Variants in EEFSEC observed in about 807,000 individuals in gnomAD.
The protein encoded by EEFSEC is selenocysteine-specific elongation factor.
Under a neutral mutation model 42.1 loss-of-function variants are expected in EEFSEC, and 43 were observed. The ratio of observed to expected loss-of-function variants is 1.02; its 90% CI spans 0.80 to 1.32. EEFSEC has a LOEUF of 1.32. Among genes scored for constraint, EEFSEC ranks in the 40% most tolerant of loss-of-function variants. The pLI, the probability that EEFSEC is intolerant of heterozygous loss-of-function variation, is 0.00. For synonymous variants in EEFSEC, 354 were observed against 339.1 expected (o/e 1.04, Z -0.48); for missense variants, 745 against 803.6 (o/e 0.93, Z 0.88).
rs2065592434 is a variant in EEFSEC, at chr3:128,197,042, A to G, written c.316+43219A>G. On this transcript the variant is annotated intron_variant, in intron 1 of 6. Transcript: ENST00000254730. The stretch of plus-strand genomic sequence containing the variant: ...TTATTGCTGTGATTTCTTCTTTTGC[A>G]TTTTTCCTCTTTGTTCTGTGTACTT... Among the ~76,000 whole-genome samples the G allele has an allele frequency of 3.3e-5, 5 of 152,030 alleles. No homozygotes were observed. The South Asian group carries it at 1.0e-3, about 32-fold the overall frequency.
intron 1 of EEFSEC, among the ~76,000 whole-genome samples, chr3:128,230,952 A>C (rs79609645): frequency 1.3e-5 from 2 of 152,266 alleles, no homozygotes; most frequent in East Asian, 1.9e-4. Context: ...GGTGACCTTC[A>C]GGTAGGTGGC....
intron 5 of EEFSEC, among the ~76,000 whole-genome samples, chr3:128,346,019 G>A (rs560518937): frequency 6.6e-6 from 1 of 152,342 alleles, no homozygotes; most frequent in South Asian, 2.1e-4. Flanking sequence ...ATGTAAATAT[G>A]TGATGCTGAG....
intron 3 of EEFSEC, among the ~76,000 whole-genome samples, chr3:128,264,193 G>C (rs986474500): frequency 6.6e-6 from 1 of 152,166 alleles, no homozygotes; most frequent in Non-Finnish European, 1.5e-5. Context: ...AGGCCTAAAA[G>C]GTACCTAGGG....
chr3:128,373,541 C>A (rs1559945916), intron 6 of EEFSEC, among the ~76,000 whole-genome samples: 1 of 152,230 alleles, frequency 6.6e-6, no homozygotes, highest in Non-Finnish European at 1.5e-5. Context: ...AGCCAGGGAC[C>A]TACAGCAGCA....
intron 4 of EEFSEC, among the ~76,000 whole-genome samples, chr3:128,296,094 T>C (rs2066703248): frequency 6.6e-6 from 1 of 152,074 alleles, no homozygotes; most frequent in South Asian, 2.1e-4. Flanking sequence ...CAGGCCCTGG[T>C]ACTGGGAGCT....
At chr3:128,383,046 G>A (rs2067795999) in intron 6 of EEFSEC, among the ~76,000 whole-genome samples, 1 of 151,844 alleles carries the variant, frequency 6.6e-6, no homozygotes, top group Non-Finnish European at 1.5e-5. Flanking sequence ...GTGGATCCCT[G>A]CCCCCAGTTC....
chr3:128,162,035 T>G (rs569424178), intron 1 of EEFSEC, among the ~76,000 whole-genome samples: 3 of 152,214 alleles, frequency 2.0e-5, no homozygotes, highest in African/African-American at 7.2e-5. Flanking sequence ...TTCAGGAGAA[T>G]CTGTGTAGGA....
intron 1 of EEFSEC, among the ~76,000 whole-genome samples, chr3:128,235,201 A>T (rs113370075): frequency 6.6e-6 from 1 of 150,966 alleles, no homozygotes; most frequent in Non-Finnish European, 1.5e-5. Flanking sequence ...TATGTCTGGG[A>T]CCACAGGTGC....
intron 6 of EEFSEC, among the ~76,000 whole-genome samples, chr3:128,401,206 T>C (rs944854707): frequency 6.6e-6 from 1 of 152,318 alleles, no homozygotes; most frequent in East Asian, 1.9e-4. Context: ...TCTTTCTCCC[T>C]TGGGTCACTC....
chr3:128,323,704 C>T (rs887250782), intron 4 of EEFSEC, among the ~76,000 whole-genome samples: 10 of 152,324 alleles, frequency 6.6e-5, no homozygotes, highest in African/African-American at 2.2e-4. Context: ...CAGCATGATT[C>T]GTTCCAGAGC....
At chr3:128,382,061 C>T (rs1321747824) in intron 6 of EEFSEC, among the ~76,000 whole-genome samples, 1 of 152,172 alleles carries the variant, frequency 6.6e-6, no homozygotes, top group Non-Finnish European at 1.5e-5. Flanking sequence ...TGGCCCCAGG[C>T]AAGGCCCTCT....
At chr3:128,416,251 C>T in the EEFSEC span, among the ~76,000 whole-genome samples, 1 of 152,102 alleles carries the variant, frequency 6.6e-6, no homozygotes, top group African/African-American at 2.4e-5. Flanking sequence ...CCCACCCTGC[C>T]CCTGGGGGCA....
intron 2 of EEFSEC, among the ~76,000 whole-genome samples, chr3:128,259,472 G>A (rs866402776): frequency 6.6e-6 from 1 of 152,312 alleles, no homozygotes. Context: ...GTCCATTGTG[G>A]TAGTGGAAAA....
chr3:128,171,258 C>T (rs552791785), intron 1 of EEFSEC, among the ~76,000 whole-genome samples: 1 of 152,158 alleles, frequency 6.6e-6, no homozygotes, highest in African/African-American at 2.4e-5. Flanking sequence ...CCCATAGATG[C>T]CTTTAAGTGT....
At chr3:128,411,430 A>G (rs1179840398), downstream of EEFSEC, among the ~76,000 whole-genome samples, 2 of 152,204 alleles carry the variant, frequency 1.3e-5, no homozygotes, top group Admixed American at 6.5e-5. Flanking sequence ...GCTGCCCCAG[A>G]TAGAGCTGGA....
At chr3:128,364,429 G>C (rs892090735) in intron 6 of EEFSEC, among the ~76,000 whole-genome samples, 4 of 152,198 alleles carry the variant, frequency 2.6e-5, no homozygotes, top group African/African-American at 9.6e-5. Flanking sequence ...GGAGCAGAAG[G>C]CTGCATAGAG....
At chr3:128,302,616 T>G (rs949128893) in intron 4 of EEFSEC, among the ~76,000 whole-genome samples, 3 of 145,124 alleles carry the variant, frequency 2.1e-5, no homozygotes, top group Non-Finnish European at 3.0e-5. Context: ...TTGTTTTTTG[T>G]TTTTTTTTGG....
intron 1 of EEFSEC, among the ~76,000 whole-genome samples, chr3:128,200,890 G>T (rs1291310889): frequency 6.6e-6 from 1 of 152,170 alleles, no homozygotes; most frequent in African/African-American, 2.4e-5. Flanking sequence ...CAAGTGGAGG[G>T]CTCAATGAAG....
At chr3:128,337,410 A>G (rs1258106803) in intron 4 of EEFSEC, among the ~76,000 whole-genome samples, 1 of 152,212 alleles carries the variant, frequency 6.6e-6, no homozygotes, top group Non-Finnish European at 1.5e-5. Flanking sequence ...TGCTTTGAAT[A>G]AAGCCTGCTT....
Sources: allele counts gnomAD v4.1 joint callset (sites outside exome capture counted in the v4.1 genomes callset), GRCh38; gene constraint gnomAD v4.1.1; transcripts MANE v1.5; gene names NCBI Gene and HGNC (gene_info 2026-07-23, HGNC 2026-07-21).